Variants in PTPRA observed in about 807,000 individuals in gnomAD.
The protein encoded by PTPRA is receptor-type tyrosine-protein phosphatase alpha.
In PTPRA, 25 loss-of-function variants were observed where a neutral mutation model predicts 104.8. That is an observed-to-expected ratio of 0.24 (90% confidence interval 0.17 to 0.33). PTPRA has a LOEUF of 0.33. Among genes scored for constraint, PTPRA ranks in the 10% least tolerant of loss-of-function variants. The pLI is 1.00. For synonymous variants in PTPRA, 323 were observed against 368.9 expected, an observed-to-expected ratio of 0.88 and a Z score of 1.43; for missense variants, 765 against 1,015.3, an observed-to-expected ratio of 0.75 and a Z score of 3.35.
chr20:2,922,612 G>A (rs1862586437), intron 1 of PTPRA, among the ~76,000 whole-genome samples: 1 of 151,904 alleles, frequency 6.6e-6, no homozygotes, highest in Admixed American at 6.6e-5. Context: ...AAAGTGCTGG[G>A]ATTATAGGCA....
At chr20:2,915,778 A>G (rs1449495538) in intron 1 of PTPRA, among the ~76,000 whole-genome samples, 2 of 152,178 alleles carry the variant, frequency 1.3e-5, no homozygotes, top group East Asian at 1.9e-4. Context: ...GCCTGAGCTC[A>G]GGATTTCAAG....
intron 20 of PTPRA, among the ~76,000 whole-genome samples, chr20:3,034,364 CA>C (rs1285856574): frequency 6.6e-6 from 1 of 152,088 alleles, no homozygotes; most frequent in Non-Finnish European, 1.5e-5. Flanking sequence ...ATTCCTCCAG[CA>C]CACACACACT....
At chr20:3,012,013 T>C (rs73086682) in intron 11 of PTPRA, among the ~76,000 whole-genome samples, 3,547 of 152,294 alleles carry the variant, frequency 0.023, 78 homozygotes, top group Non-Finnish European at 0.036. Flanking sequence ...TGGGAGCATC[T>C]GCTAGGAAGA....
intron 2 of PTPRA, among the ~76,000 whole-genome samples, chr20:2,932,443 T>C (rs566503929): frequency 1.3e-5 from 2 of 152,252 alleles, no homozygotes; most frequent in South Asian, 4.1e-4. Context: ...TGTCTATTTG[T>C]AAACAAAGGG....
chr20:2,874,017 TCTGG>T (rs2089535843), intron 1 of PTPRA, among the ~76,000 whole-genome samples: 1 of 152,230 alleles, frequency 6.6e-6, no homozygotes, highest in Non-Finnish European at 1.5e-5. Flanking sequence ...CATGCGTCCT[TCTGG>T]GACCAGGCCA....
chr20:2,936,234 G>A (rs1823760035), intron 2 of PTPRA, among the ~76,000 whole-genome samples: 3 of 152,080 alleles, frequency 2.0e-5, no homozygotes, highest in Admixed American at 6.5e-5. Flanking sequence ...TCACCTTATT[G>A]TATAATGGTG....
At chr20:2,864,310 C>T in the PTPRA span, 2 of 1,613,898 alleles carry the variant, frequency 1.2e-6, no homozygotes, top group Non-Finnish European at 1.7e-6. The surrounding 1 kb of genome is among the most constrained non-coding windows in gnomAD (Gnocchi z 5.2). Context: ...CTGGGGGGCC[C>T]CTGGGCTAAG....
At chr20:3,021,988 TCCCTCC>T in intron 14 of PTPRA, 60 bp from the exon 15 acceptor site, 1 of 1,582,344 alleles carries the variant, frequency 6.3e-7, no homozygotes, top group Non-Finnish European at 8.6e-7. Flanking sequence ...GCTGTCACCT[TCCCTCC>T]CCTGGTACTG....
At position 3,035,879 on chromosome 20, in the gene PTPRA, C is replaced by T; in HGVS notation, c.2136C>T (p.Ile712=). The change falls in exon 22 of 24, where the codon ATC becomes ATT. Residue 712 remains isoleucine, a synonymous_variant. Coordinates refer to ENST00000399903, the MANE Select transcript of PTPRA (RefSeq NM_001385305.1). This position sits in a 1 kb window ranked among gnomAD's most constrained non-coding sequence, Gnocchi z 5.8. ...IPSDGKGMIS[I]IAAVQKQQQQ... ...GTGACGGAAAGGGCATGATCAGCAT[C>T]ATCGCCGCCGTGCAGAAGCAGCAGC... The T allele has an allele frequency of 6.2e-7, 1 of 1,614,142 alleles. No homozygotes were observed. Among genetic ancestry groups the T allele is most frequent in the South Asian group, 1.1e-5 (1 of 91,086 alleles).
chr20:2,877,524 C>T (rs1239294955), intron 1 of PTPRA, among the ~76,000 whole-genome samples: 1 of 152,112 alleles, frequency 6.6e-6, no homozygotes, highest in Non-Finnish European at 1.5e-5. Flanking sequence ...CTCCCAAAGT[C>T]CTGGGATTAC....
chr20:3,008,754 A>AC (rs1568693886), intron 11 of PTPRA, among the ~76,000 whole-genome samples: 3 of 134,666 alleles, frequency 2.2e-5, no homozygotes, highest in African/African-American at 1.1e-4. Context: ...ACAAAAAAAA[A>AC]AAAAACAACT....
chr20:3,011,056 A>G (rs983249829), intron 11 of PTPRA, among the ~76,000 whole-genome samples: 3 of 152,244 alleles, frequency 2.0e-5, no homozygotes, highest in Admixed American at 6.5e-5. Context: ...AGCAGCTGAG[A>G]TGGGGATCTC....
intron 17 of PTPRA, 92 bp from the exon 18 acceptor site, chr20:3,026,595 G>A (rs1019693344): frequency 1.1e-6 from 1 of 912,996 alleles, no homozygotes; most frequent in Non-Finnish European, 1.8e-6. Flanking sequence ...TGGAGCCAGA[G>A]TGGCCTGGAG....
upstream of PTPRA, among the ~76,000 whole-genome samples, chr20:2,868,932 C>A (rs1482055035): frequency 6.6e-6 from 1 of 152,108 alleles, no homozygotes; most frequent in Non-Finnish European, 1.5e-5. Flanking sequence ...TAACTGATGA[C>A]AAATGTATAT....
chr20:2,909,997 AATC>A (rs1389333597), intron 1 of PTPRA, among the ~76,000 whole-genome samples: 1,270 of 87,508 alleles, frequency 0.015, 66 homozygotes, highest in Admixed American at 0.11. Context: ...TCATATATAT[AATC>A]TATCATATAT....
At position 3,038,034 on chromosome 20, in the gene PTPRA, T is replaced by G. The variant is rs759461148; in HGVS notation, c.2335-25T>G. Reference sequence around the variant, plus strand: ...CTGTGTGTTCTTCAGTAACCCTGACTTTTTCCCTACCTTTCACTCTCCAGG... The same window carrying G: ...CTGTGTGTTCTTCAGTAACCCTGACGTTTTCCCTACCTTTCACTCTCCAGG... On this transcript the variant is annotated intron_variant, in intron 23 of 23. Transcript: ENST00000399903. 3 of 1,582,276 alleles carry G rather than the reference T, an allele frequency of 1.9e-6. No homozygotes were observed. In the East Asian group the frequency reaches 6.7e-5, roughly 35 times the overall value.
intron 11 of PTPRA, among the ~76,000 whole-genome samples, chr20:3,013,662 C>A (rs943846084): frequency 6.6e-6 from 1 of 152,082 alleles, no homozygotes; most frequent in Non-Finnish European, 1.5e-5. Context: ...CTGCCCACCT[C>A]GGCCTCCCAA....
chr20:2,974,032 A>G (rs1398603668), intron 5 of PTPRA, among the ~76,000 whole-genome samples: 1 of 150,760 alleles, frequency 6.6e-6, no homozygotes, highest in Non-Finnish European at 1.5e-5. Context: ...GCTCACCGCA[A>G]GCTCTGCCTC....
intron 12 of PTPRA, 21 bp from the exon 13 acceptor site, chr20:3,017,795 T>G: frequency 6.2e-7 from 1 of 1,605,368 alleles, no homozygotes; most frequent in Non-Finnish European, 8.5e-7. Context: ...TTCTCTTCAT[T>G]TTTGCTGTTG....
Sources: allele counts gnomAD v4.1 joint callset (sites outside exome capture counted in the v4.1 genomes callset), GRCh38; gene constraint gnomAD v4.1.1; non-coding constraint Gnocchi (gnomAD v3.1); transcripts MANE v1.5; gene names NCBI Gene and HGNC (gene_info 2026-07-23, HGNC 2026-07-21).